Variants in ADAMTSL1 observed in about 807,000 individuals in gnomAD.
ADAMTSL1 encodes the protein ADAMTS like 1, also known as ADAMTS-like protein 1.
In ADAMTSL1, 126 loss-of-function variants were observed where a neutral mutation model predicts 201.8. The observed-to-expected ratio is 0.62, with a 90% CI of 0.54 to 0.72. The LOEUF is 0.72. Ranked by LOEUF, ADAMTSL1 falls within the 30% of genes least tolerant of loss-of-function variation. The pLI, the probability that ADAMTSL1 is intolerant of heterozygous loss-of-function variation, is 0.00. For synonymous variants in ADAMTSL1, 1,121 were observed against 903.4 expected, an observed-to-expected ratio of 1.24 and a Z score of -4.32; for missense variants, 2,679 against 2,277.8, an observed-to-expected ratio of 1.18 and a Z score of -3.59.
At chr9:18,635,845 G>T in intron 5 of ADAMTSL1, 98 bp from the exon 6 acceptor site, 1 of 991,700 alleles carries the variant, frequency 1.0e-6, no homozygotes, top group Non-Finnish European at 1.5e-6. Context: ...AAAAACTGTA[G>T]TTTTTAAGGT....
intron 7 of ADAMTSL1, among the ~76,000 whole-genome samples, chr9:18,647,845 G>GA (rs887378759): frequency 3.3e-5 from 5 of 151,610 alleles, no homozygotes; most frequent in Admixed American, 2.6e-4. Context: ...GTGTGGTGCT[G>GA]AAAAAAATGT....
At chr9:18,897,595 G>A (rs1278160656) in intron 26 of ADAMTSL1, among the ~76,000 whole-genome samples, 1 of 152,220 alleles carries the variant, frequency 6.6e-6, no homozygotes, top group African/African-American at 2.4e-5. Context: ...ACTAGGGCCT[G>A]GAGTGATCCC....
intron 3 of ADAMTSL1, among the ~76,000 whole-genome samples, chr9:18,542,567 AGAG>A (rs749743383): frequency 6.6e-6 from 1 of 152,200 alleles, no homozygotes; most frequent in Non-Finnish European, 1.5e-5. Context: ...AGACACACAG[AGAG>A]AAGACATGTG....
intron 2 of ADAMTSL1, among the ~76,000 whole-genome samples, chr9:18,336,798 A>G (rs1042309816): frequency 2.0e-5 from 3 of 152,156 alleles, no homozygotes; most frequent in African/African-American, 4.8e-5. Flanking sequence ...ATTTTTGTCT[A>G]TTTATAAATA....
intron 1 of ADAMTSL1, among the ~76,000 whole-genome samples, chr9:18,153,602 C>A (rs1324775304): frequency 1.3e-5 from 2 of 151,936 alleles, no homozygotes; most frequent in Non-Finnish European, 2.9e-5. Flanking sequence ...TGGGTGAGGA[C>A]TGAAGCCCCT....
At chr9:18,170,548 T>C (rs773847792) in intron 2 of ADAMTSL1, among the ~76,000 whole-genome samples, 14 of 152,024 alleles carry the variant, frequency 9.2e-5, no homozygotes, top group Non-Finnish European at 1.5e-4. Flanking sequence ...TAAAGTTAAT[T>C]AAGACCACAT....
Position 18,889,692 on chromosome 9 carries a change from G to A in ADAMTSL1, c.4587G>A (p.Gly1529=), listed in dbSNP as rs754840822. ...STEVNPAHCA[G]KVRPAVQPIA... ...AGGTCAACCCTGCCCACTGCGCAGGGAAGGTTCGCCCTGCGGTGCAGCCCA... is the reference window on the plus strand; with the variant it reads ...AGGTCAACCCTGCCCACTGCGCAGGAAAGGTTCGCCCTGCGGTGCAGCCCA... The change falls in exon 25 of 29, where the codon GGG becomes GGA. Residue 1529 remains glycine (G), a synonymous_variant. Transcript: ENST00000380548. 15 of 1,592,566 alleles carry A rather than the reference G, an allele frequency of 9.4e-6. No individual in the cohort carries two copies. The highest frequency in any genetic ancestry group is 1.1e-5 in the Non-Finnish European group (13 of 1,169,012).
chr9:18,495,296 C>T (rs568944659), intron 1 of ADAMTSL1, among the ~76,000 whole-genome samples: 8 of 152,238 alleles, frequency 5.3e-5, no homozygotes, highest in South Asian at 4.1e-4. Flanking sequence ...GAAAGCAACG[C>T]GTCCCTCAAA....
intron 19 of ADAMTSL1, among the ~76,000 whole-genome samples, chr9:18,790,080 G>A (rs536140501): frequency 3.3e-5 from 5 of 152,172 alleles, no homozygotes; most frequent in African/African-American, 1.2e-4. Flanking sequence ...GGTTACTTAG[G>A]TTATGTGTAC....
chr9:18,192,473 T>G (rs1194008197), intron 2 of ADAMTSL1, among the ~76,000 whole-genome samples: 1 of 152,158 alleles, frequency 6.6e-6, no homozygotes, highest in Non-Finnish European at 1.5e-5. Context: ...TCCTACCATA[T>G]GTGTCTAATG....
intron 2 of ADAMTSL1, among the ~76,000 whole-genome samples, chr9:18,347,171 A>G (rs760506981): frequency 3.3e-5 from 5 of 152,034 alleles, no homozygotes; most frequent in Non-Finnish European, 7.4e-5. Context: ...GCAATAAATG[A>G]TATTGCTTTA....
intron 1 of ADAMTSL1, among the ~76,000 whole-genome samples, chr9:18,063,626 C>T (rs1177959955): frequency 1.3e-5 from 2 of 152,166 alleles, no homozygotes; most frequent in African/African-American, 4.8e-5. Context: ...GTCAGAATGG[C>T]GGGCAGCCCA....
At chr9:18,196,076 G>A (rs1168250474) in intron 2 of ADAMTSL1, among the ~76,000 whole-genome samples, 3 of 152,060 alleles carry the variant, frequency 2.0e-5, no homozygotes, top group Non-Finnish European at 2.9e-5. Flanking sequence ...ACGGGTGGAC[G>A]TTTTGTAACA....
At chr9:18,028,593 G>A (rs1820797421) in intron 1 of ADAMTSL1, among the ~76,000 whole-genome samples, 1 of 151,982 alleles carries the variant, frequency 6.6e-6, no homozygotes, top group Non-Finnish European at 1.5e-5. Flanking sequence ...TTATTTCTGA[G>A]GGCTCTGTTC....
chr9:18,358,565 C>G (rs993621629), intron 2 of ADAMTSL1, among the ~76,000 whole-genome samples: 8 of 152,090 alleles, frequency 5.3e-5, no homozygotes, highest in African/African-American at 1.9e-4. Flanking sequence ...AATGACTAAT[C>G]AACTTTCTGT....
chr9:18,176,653 A>C (rs1047871755), intron 2 of ADAMTSL1, among the ~76,000 whole-genome samples: 1 of 152,210 alleles, frequency 6.6e-6, no homozygotes, highest in Non-Finnish European at 1.5e-5. Flanking sequence ...ACAGGAATTC[A>C]ACTTAACAAC....
chr9:17,960,466 A>G (rs937945496), intron 1 of ADAMTSL1, among the ~76,000 whole-genome samples: 15 of 152,178 alleles, frequency 9.9e-5, no homozygotes, highest in African/African-American at 3.6e-4. Context: ...AAGAAAAGTC[A>G]TAATGCCTTA....
chr9:17,981,077 G>A (rs139695144), intron 1 of ADAMTSL1, among the ~76,000 whole-genome samples: 143 of 152,316 alleles, frequency 9.4e-4, no homozygotes, highest in African/African-American at 3.1e-3. Context: ...GATACTTCCC[G>A]TTAGGTCCTA....
At chr9:18,727,420 G>A (rs965083074) in intron 15 of ADAMTSL1, among the ~76,000 whole-genome samples, 5 of 152,228 alleles carry the variant, frequency 3.3e-5, no homozygotes, top group African/African-American at 1.2e-4. Context: ...CCTTTGAAGA[G>A]TTAATGCTGT....
Sources: allele counts gnomAD v4.1 joint callset (sites outside exome capture counted in the v4.1 genomes callset), GRCh38; gene constraint gnomAD v4.1.1; transcripts MANE v1.5; gene names NCBI Gene and HGNC (gene_info 2026-07-23, HGNC 2026-07-21).